AGAP1: variants seen among roughly 807,000 people sequenced by gnomAD.
AGAP1 encodes arf-GAP with GTPase, ANK repeat and PH domain-containing protein 1.
In AGAP1, 29 loss-of-function variants were observed where a neutral mutation model predicts 105.3. That is an observed-to-expected ratio of 0.28 (90% CI 0.21 to 0.38). The LOEUF (loss-of-function observed/expected upper bound fraction) is 0.38. Ranked by LOEUF, AGAP1 falls within the 10% of genes least tolerant of loss-of-function variation. The probability of loss-of-function intolerance (pLI) is 1.00; values close to 1 mark genes in which losing one functional copy is unlikely to be tolerated. For missense variants in AGAP1, 998 were observed against 1,165.1 expected (o/e 0.86, Z 2.09); for synonymous variants, 509 against 485.9 (o/e 1.05, Z -0.63).
chr2:235,939,722 C>T (rs2053168387), intron 12 of AGAP1, among the ~76,000 whole-genome samples: 1 of 152,134 alleles, frequency 6.6e-6, no homozygotes, highest in Non-Finnish European at 1.5e-5. Context: ...GACCTGCTGA[C>T]TCCACATCTT....
At position 236,101,436 on chromosome 2, in the gene AGAP1, C is replaced by G. The variant is rs542458209; in HGVS notation, c.2115-18756C>G. On this transcript the variant is annotated intron_variant, in intron 16 of 17. Coordinates refer to ENST00000304032, the MANE Select transcript of AGAP1 (RefSeq NM_001037131.3). This position sits in a 1 kb window ranked among gnomAD's most constrained non-coding sequence, Gnocchi z 4.9. ...TCATAGCCTGCGACCTTCTCTTTCT[C>G]AGGTTTGACAGCCACTTAGCCAGCA... is the stretch of plus-strand genomic sequence containing the variant. 6.6e-6 allele frequency among the ~76,000 whole-genome samples: 1 copy of G among 152,292 alleles called. No homozygotes were observed. Among genetic ancestry groups the G allele is most frequent in the East Asian group, 1.9e-4 (1 of 5,170 alleles).
intron 1 of AGAP1, chr2:235,524,498 C>A: frequency 2.9e-6 from 1 of 344,500 alleles, no homozygotes. Flanking sequence ...CTTGTCCTTG[C>A]TGTGAGAAGA....
chr2:236,124,367 A>G lies in AGAP1; in HGVS notation c.*245A>G. 3.6e-6 allele frequency: 2 copies of G among 558,462 alleles called. No individual in the cohort carries two copies. Among genetic ancestry groups the G allele is most frequent in the Non-Finnish European group, 6.4e-6 (2 of 311,420 alleles). 34.6% of individuals were successfully genotyped at this position (558,462 alleles called of 1,614,324 possible). Reference sequence around the variant, plus strand: ...TCATAAACTCCCCTAAACCACACACAGGAGAGAGCGACGGGCCTCGGCCCT... The same window carrying G: ...TCATAAACTCCCCTAAACCACACACGGGAGAGAGCGACGGGCCTCGGCCCT... On this transcript the variant is annotated 3_prime_UTR_variant, in exon 18 of 18. Transcript: ENST00000304032. This position sits in a 1 kb window ranked among gnomAD's most constrained non-coding sequence, Gnocchi z 5.1.
chr2:235,902,644 A>C (rs2051122388), intron 10 of AGAP1, among the ~76,000 whole-genome samples: 1 of 152,354 alleles, frequency 6.6e-6, no homozygotes, highest in Non-Finnish European at 1.5e-5. Context: ...TGCCACATAC[A>C]TAGAACTGAA....
intron 1 of AGAP1, among the ~76,000 whole-genome samples, chr2:235,632,859 T>C (rs753225890): frequency 6.6e-6 from 1 of 152,184 alleles, no homozygotes; most frequent in African/African-American, 2.4e-5. Context: ...GCTCTGCCGC[T>C]TTGATTTCCC....
At chr2:236,112,170 CT>C (rs2059662769) in intron 16 of AGAP1, among the ~76,000 whole-genome samples, 1 of 152,120 alleles carries the variant, frequency 6.6e-6, no homozygotes, top group South Asian at 2.1e-4. Context: ...AATCCCAGCA[CT>C]TTGGGAGGCC....
chr2:235,599,327 A>G lies in AGAP1; in HGVS notation c.163+104478A>G, dbSNP rs34091485. On this transcript the variant is annotated intron_variant, in intron 1 of 17. Coordinates refer to ENST00000304032, the MANE Select transcript of AGAP1 (RefSeq NM_001037131.3). The surrounding 1 kb of genome is among the most constrained non-coding windows in gnomAD (Gnocchi z 5.3). The stretch of plus-strand genomic sequence containing the variant: ...GGCAGTGTGCTTTCTTCCTGCCCCA[A>G]TTTTGCCCAGGAGGAGTCTGGTGAT... Among the ~76,000 whole-genome samples, 22,130 of 151,842 alleles carry G rather than the reference A, an allele frequency of 0.15. 1,955 individuals carry two copies. The highest frequency in any genetic ancestry group is 0.2 in the Admixed American group (3,051 of 15,230).
Position 235,989,399 on chromosome 2 carries a change from C to A in AGAP1, c.1645+20776C>A, listed in dbSNP as rs1349726219. On this transcript the variant is annotated intron_variant, in intron 13 of 17. Coordinates refer to ENST00000304032, the MANE Select transcript of AGAP1 (RefSeq NM_001037131.3). The surrounding 1 kb of genome is among the most constrained non-coding windows in gnomAD (Gnocchi z 4.4). ...AACCATGGAGGGAGGAAGAACAGAC[C>A]AGGTGAAAACATCAGGAGGAGGGTC... Among the ~76,000 whole-genome samples, 2 of 152,108 alleles carry A rather than the reference C, an allele frequency of 1.3e-5. No homozygotes were observed. Among genetic ancestry groups the A allele is most frequent in the African/African-American group, 2.4e-5 (1 of 41,420 alleles).
At chr2:235,669,368 T>C (rs993065580) in intron 1 of AGAP1, among the ~76,000 whole-genome samples, 1 of 152,134 alleles carries the variant, frequency 6.6e-6, no homozygotes, top group East Asian at 1.9e-4. Flanking sequence ...CCCCTCGTTT[T>C]GTTCTTGCAG....
intron 13 of AGAP1, among the ~76,000 whole-genome samples, chr2:236,007,861 G>A (rs78706905): frequency 2.5e-4 from 38 of 152,378 alleles, no homozygotes; most frequent in African/African-American, 8.9e-4. Flanking sequence ...TTGGAGAGGG[G>A]ACGTGAGAAG....
chr2:236,121,243 G>A lies in AGAP1; in HGVS notation c.2370+796G>A, dbSNP rs192014556. ...ATGGGTCAGTCCAGCACAGCAGCAC[G>A]TTCTACAGCAGCATGGGTAGAGTGC... On this transcript the variant is annotated intron_variant, in intron 17 of 17. Coordinates refer to ENST00000304032, the MANE Select transcript of AGAP1 (RefSeq NM_001037131.3). This position sits in a 1 kb window ranked among gnomAD's most constrained non-coding sequence, Gnocchi z 4.9. Among the ~76,000 whole-genome samples, 102 of 152,344 alleles carry A rather than the reference G, an allele frequency of 6.7e-4. No individual in the cohort carries two copies. The highest frequency in any genetic ancestry group is 3.5e-3 in the South Asian group (17 of 4,828).
At chr2:235,589,194 G>GTTTTTTTTTTTTTTTTTTTTTT in intron 1 of AGAP1, among the ~76,000 whole-genome samples, 1 of 59,616 alleles carries the variant, frequency 1.7e-5, no homozygotes, top group African/African-American at 8.0e-5. Flanking sequence ...TTATTGTTTT[G>GTTTTTTTTTTTTTTTTTTTTTT]TTTTTTTTTT....
chr2:235,681,215 T>C (rs1949052365), intron 1 of AGAP1, among the ~76,000 whole-genome samples: 2 of 152,316 alleles, frequency 1.3e-5, no homozygotes, highest in Non-Finnish European at 2.9e-5. Context: ...TTCACCGTGT[T>C]AGCCAGGATG....
rs975758483 is a variant in AGAP1, at chr2:235,660,927, C to G, written c.164-48252C>G. On this transcript the variant is annotated intron_variant, in intron 1 of 17. Transcript: ENST00000304032. The surrounding 1 kb of genome is among the most constrained non-coding windows in gnomAD (Gnocchi z 5.3). ...TCATTCTGGCCTTGGAGCCCAGCCT[C>G]TTAGCCACTCAGTGCAACTGTGGAG... Among the ~76,000 whole-genome samples, 2 of 152,192 alleles carry G rather than the reference C, an allele frequency of 1.3e-5. No homozygotes were observed. The highest frequency in any genetic ancestry group is 2.9e-5 in the Non-Finnish European group (2 of 68,042).
In AGAP1 at chr2:235,631,818, C is replaced by T. The variant is rs949705308; in HGVS notation, c.164-77361C>T. Among the ~76,000 whole-genome samples the T allele has an allele frequency of 5.3e-5, 8 of 152,226 alleles. No homozygotes were observed. Among genetic ancestry groups the T allele is most frequent in the African/African-American group, 1.7e-4 (7 of 41,468 alleles). On this transcript the variant is annotated intron_variant, in intron 1 of 17. Transcript: ENST00000304032. The surrounding 1 kb of genome is among the most constrained non-coding windows in gnomAD (Gnocchi z 5.4). ...TGACGGTCTCCTCGGCTGGGTGGCCCTTCCTGCTGTCAGGTGTGGCCACTC... is the reference window on the plus strand; with the variant it reads ...TGACGGTCTCCTCGGCTGGGTGGCCTTTCCTGCTGTCAGGTGTGGCCACTC...
Position 235,720,712 on chromosome 2 carries a change from T to C in AGAP1, c.310+3068T>C, listed in dbSNP as rs1439789426. ...TGCCCTGTTCTTCTGATTTAATTAG[T>C]GCGTGAGTATCCTTTATGTCATAAT... is the stretch of plus-strand genomic sequence containing the variant. On this transcript the variant is annotated intron_variant, in intron 3 of 17. Coordinates refer to ENST00000304032, the MANE Select transcript of AGAP1 (RefSeq NM_001037131.3). This position sits in a 1 kb window ranked among gnomAD's most constrained non-coding sequence, Gnocchi z 5.0. 1.1e-5 allele frequency: 11 copies of C among 985,140 alleles called. No individual in the cohort carries two copies. In the East Asian group the frequency reaches 1.1e-3, roughly 102 times the overall value. The allele number at this position is 985,140 out of a possible 1,614,324, so 61.0% of individuals were successfully genotyped here.
Position 235,699,577 on chromosome 2 carries a change from A to G in AGAP1, c.164-9602A>G, listed in dbSNP as rs573903149. On this transcript the variant is annotated intron_variant, in intron 1 of 17. Transcript: ENST00000304032. ...CTGAAATTTACTTCTTAGAGCCATG[A>G]AATGCCCTCCAAAAAGTGAAGCACC... Among the ~76,000 whole-genome samples the G allele has an allele frequency of 5.9e-4, 90 of 152,304 alleles. No homozygotes were observed. The Middle Eastern group carries it at 0.01, about 17-fold the overall frequency.
intron 8 of AGAP1, among the ~76,000 whole-genome samples, chr2:235,800,983 C>G (rs1248730071): frequency 6.6e-6 from 1 of 152,204 alleles, no homozygotes. Context: ...CTTGATGTTA[C>G]ATTGCGATTC....
chr2:235,856,135 A>G (rs2106478891), intron 9 of AGAP1, among the ~76,000 whole-genome samples: 1 of 152,186 alleles, frequency 6.6e-6, no homozygotes, highest in East Asian at 1.9e-4. Flanking sequence ...GCTGGTCCTG[A>G]ACTCCTGACC....
Sources: allele counts gnomAD v4.1 joint callset (sites outside exome capture counted in the v4.1 genomes callset), GRCh38; gene constraint gnomAD v4.1.1; non-coding constraint Gnocchi (gnomAD v3.1); transcripts MANE v1.5; gene names NCBI Gene and HGNC (gene_info 2026-07-23, HGNC 2026-07-21).